MDGA2: variants seen among roughly 807,000 people sequenced by gnomAD.
The protein encoded by MDGA2 is MAM domain containing glycosylphosphatidylinositol anchor 2, also known as MAM domain-containing glycosylphosphatidylinositol anchor protein 2.
A neutral mutation model predicts 117.8 loss-of-function variants in MDGA2; 40 were observed. The ratio of observed to expected loss-of-function variants is 0.34; its 90% CI spans 0.26 to 0.44. MDGA2 has a LOEUF of 0.44. MDGA2 is among the 20% of genes least tolerant of loss of function. The pLI is 1.00. For synonymous variants in MDGA2, 452 were observed against 439.0 expected (o/e 1.03, Z -0.37); for missense variants, 1,123 against 1,250.6 (o/e 0.90, Z 1.54).
At chr14:47,313,488 G>T (rs76913124) in intron 1 of MDGA2, among the ~76,000 whole-genome samples, 3,357 of 151,774 alleles carry the variant, frequency 0.022, 90 homozygotes, top group East Asian at 0.12. Flanking sequence ...TAGAGATGGG[G>T]TCTCATTGTT....
At chr14:46,973,412 T>G (rs577705576) in intron 8 of MDGA2, among the ~76,000 whole-genome samples, 88 of 152,170 alleles carry the variant, frequency 5.8e-4, no homozygotes, top group African/African-American at 2.0e-3. Context: ...AACAACATAA[T>G]CCTATTGTGC....
In MDGA2 at chr14:47,079,727, A is replaced by ATTTTTTTTTTTTTTTTTTTTTTTTTTT. The variant is rs35801678; in HGVS notation, c.1195+17126_1195+17127insAAAAAAAAAAAAAAAAAAAAAAAAAAA. Among the ~76,000 whole-genome samples, 7 of 80,072 alleles carry ATTTTTTTTTTTTTTTTTTTTTTTTTTT rather than the reference A, an allele frequency of 8.7e-5. 1 individual carries two copies. Among genetic ancestry groups the ATTTTTTTTTTTTTTTTTTTTTTTTTTT allele is most frequent in the African/African-American group, 4.0e-4 (7 of 17,520 alleles). The allele number at this position is 80,072 out of a possible 152,430, so 52.5% of individuals were successfully genotyped here. On this transcript the variant is annotated intron_variant, in intron 6 of 16. Coordinates refer to ENST00000399232, the MANE Select transcript of MDGA2 (RefSeq NM_001113498.3). Reference sequence around the variant, plus strand: ...ATTTGTTTCAGCCGATTTTCTACTAATTTTTTTTTTTTTTTTTTTTTTGAG... The same window carrying ATTTTTTTTTTTTTTTTTTTTTTTTTTT: ...ATTTGTTTCAGCCGATTTTCTACTAATTTTTTTTTTTTTTTTTTTTTTTTTTTTTTTTTTTTTTTTTTTTTTTTTGAG...
chr14:47,068,417 A>ATAT (rs371558396), intron 6 of MDGA2, among the ~76,000 whole-genome samples: 46 of 148,292 alleles, frequency 3.1e-4, no homozygotes, highest in African/African-American at 9.4e-4. Flanking sequence ...AGAAAAAAAA[A>ATAT]ATATATATAT....
intron 2 of MDGA2, among the ~76,000 whole-genome samples, chr14:47,257,489 A>G (rs1291799988): frequency 6.6e-6 from 1 of 151,904 alleles, no homozygotes. Context: ...TACTACTCTT[A>G]TATTTTATTA....
At chr14:47,364,015 G>C (rs1486218892) in intron 1 of MDGA2, among the ~76,000 whole-genome samples, 3 of 152,026 alleles carry the variant, frequency 2.0e-5, no homozygotes, top group African/African-American at 7.2e-5. Context: ...CTTATTAAAA[G>C]TTATGTGTTA....
chr14:46,943,107 C>T (rs1437483775), intron 9 of MDGA2, among the ~76,000 whole-genome samples: 1 of 151,998 alleles, frequency 6.6e-6, no homozygotes, highest in African/African-American at 2.4e-5. Context: ...GTTATGTCTT[C>T]CCTATAAATT....
chr14:46,914,170 C>G (rs906140440), intron 10 of MDGA2, among the ~76,000 whole-genome samples: 5 of 151,964 alleles, frequency 3.3e-5, no homozygotes, highest in African/African-American at 4.8e-5. Flanking sequence ...AACTTAGAAA[C>G]ATTTTTCCTG....
intron 1 of MDGA2, among the ~76,000 whole-genome samples, chr14:47,556,390 TCA>T (rs1230441123): frequency 6.6e-6 from 1 of 152,224 alleles, no homozygotes; most frequent in East Asian, 1.9e-4. Flanking sequence ...GATCCTTTCT[TCA>T]CACAATCCCC....
intron 1 of MDGA2, among the ~76,000 whole-genome samples, chr14:47,380,789 G>A (rs1891602292): frequency 6.6e-6 from 1 of 151,898 alleles, no homozygotes; most frequent in African/African-American, 2.4e-5. Context: ...GGTACAAGCA[G>A]GAGCTGGCAC....
At chr14:46,989,789 C>T (rs1175374002) in intron 8 of MDGA2, among the ~76,000 whole-genome samples, 1 of 151,904 alleles carries the variant, frequency 6.6e-6, no homozygotes, top group Non-Finnish European at 1.5e-5. Context: ...TGGCAGGGAC[C>T]ACCAAGTGAA....
At chr14:47,560,063 T>C (rs1337505728) in intron 1 of MDGA2, among the ~76,000 whole-genome samples, 3 of 151,434 alleles carry the variant, frequency 2.0e-5, no homozygotes, top group Non-Finnish European at 4.4e-5. Context: ...TGGCATCTGT[T>C]ATCTTAGGAT....
At chr14:47,470,797 A>T (rs534898017) in intron 1 of MDGA2, among the ~76,000 whole-genome samples, 72 of 152,252 alleles carry the variant, frequency 4.7e-4, no homozygotes, top group Middle Eastern at 6.8e-3. Flanking sequence ...AAGAATGAAA[A>T]ATTATCCCAG....
chr14:47,428,919 G>T (rs1185227211), intron 1 of MDGA2, among the ~76,000 whole-genome samples: 1 of 151,908 alleles, frequency 6.6e-6, no homozygotes, highest in Non-Finnish European at 1.5e-5. Context: ...AAGCTTTGTT[G>T]AACAGAATCA....
At chr14:47,492,853 T>C (rs1037696641) in intron 1 of MDGA2, among the ~76,000 whole-genome samples, 1 of 152,106 alleles carries the variant, frequency 6.6e-6, no homozygotes, top group African/African-American at 2.4e-5. Context: ...GTGCAATATA[T>C]ACAGTCTTTT....
chr14:47,402,333 C>G (rs1243591578), intron 1 of MDGA2, among the ~76,000 whole-genome samples: 185 of 6,906 alleles, frequency 0.027, 9 homozygotes, highest in African/African-American at 0.085. Flanking sequence ...CCCAGAAACC[C>G]CCGCCCCCCC....
intron 2 of MDGA2, among the ~76,000 whole-genome samples, chr14:47,264,046 C>T (rs1464563887): frequency 2.0e-5 from 3 of 152,084 alleles, no homozygotes; most frequent in South Asian, 2.1e-4. Context: ...TACCATTTCT[C>T]GAACCCATGA....
At chr14:47,664,859 C>A (rs973652314) in intron 1 of MDGA2, among the ~76,000 whole-genome samples, 1 of 152,208 alleles carries the variant, frequency 6.6e-6, no homozygotes, top group Admixed American at 6.5e-5. Context: ...AGTTGCCCCC[C>A]ACAGGAACTT....
intron 2 of MDGA2, among the ~76,000 whole-genome samples, chr14:47,281,891 T>C (rs762311331): frequency 3.3e-5 from 5 of 151,948 alleles, no homozygotes; most frequent in Non-Finnish European, 7.4e-5. Flanking sequence ...ACTCCATCTC[T>C]ACTAAAAATA....
intron 9 of MDGA2, among the ~76,000 whole-genome samples, chr14:46,937,093 G>C (rs1884810081): frequency 6.6e-6 from 1 of 151,942 alleles, no homozygotes; most frequent in Non-Finnish European, 1.5e-5. Flanking sequence ...ATTTAATAAA[G>C]TTGCAGGACA....
Sources: allele counts gnomAD v4.1 joint callset (sites outside exome capture counted in the v4.1 genomes callset), GRCh38; gene constraint gnomAD v4.1.1; transcripts MANE v1.5; gene names NCBI Gene and HGNC (gene_info 2026-07-23, HGNC 2026-07-21).